Variants in INSL6 observed in about 807,000 individuals in gnomAD.
The protein encoded by INSL6 is insulin like 6.
A neutral mutation model predicts 9.4 loss-of-function variants in INSL6; 16 were observed. That is an observed-to-expected ratio of 1.70 (90% CI 1.15 to 2.59). INSL6 has a LOEUF of 2.59. Among genes scored for constraint, INSL6 ranks in the 30% most tolerant of loss-of-function variants. The pLI is 0.00. For missense variants in INSL6, 391 were observed against 257.3 expected (o/e 1.52, Z -3.56); for synonymous variants, 154 against 96.9 (o/e 1.59, Z -3.46).
chr9:5,029,850 C>T, the INSL6 span: 4 of 1,611,534 alleles, frequency 2.5e-6, no homozygotes, highest in South Asian at 3.3e-5. Flanking sequence ...GGTATCCACC[C>T]AACCATGTCT....
At chr9:5,035,987 G>A in the INSL6 span, among the ~76,000 whole-genome samples, 9 of 152,250 alleles carry the variant, frequency 5.9e-5, no homozygotes, top group Admixed American at 3.9e-4. Context: ...AAACCCCATC[G>A]TCTCAGCCCA....
chr9:5,010,331 T>C, the INSL6 span, among the ~76,000 whole-genome samples: 81 of 145,626 alleles, frequency 5.6e-4, no homozygotes, highest in African/African-American at 1.9e-3. Flanking sequence ...GTCAGTTGTC[T>C]TTTTTTTTTT....
intron 2 of INSL6, among the ~76,000 whole-genome samples, chr9:5,137,371 C>T (rs1341124770): frequency 1.3e-5 from 2 of 152,044 alleles, no homozygotes; most frequent in Non-Finnish European, 2.9e-5. Context: ...CTTCAAACTA[C>T]ATTACAAGGC....
chr9:5,061,779 T>G, the INSL6 span, among the ~76,000 whole-genome samples: 3 of 152,264 alleles, frequency 2.0e-5, no homozygotes, highest in African/African-American at 7.2e-5. Flanking sequence ...GCAAGAGGCC[T>G]AGCTTTCAGC....
chr9:5,115,894 C>T, the INSL6 span, among the ~76,000 whole-genome samples: 1 of 152,188 alleles, frequency 6.6e-6, no homozygotes, highest in Admixed American at 6.5e-5. Context: ...ACATCACACA[C>T]CAGGGCCTGT....
At chr9:5,017,702 A>G in the INSL6 span, among the ~76,000 whole-genome samples, 2 of 152,230 alleles carry the variant, frequency 1.3e-5, no homozygotes, top group African/African-American at 4.8e-5. Flanking sequence ...TCAAGGAATT[A>G]TGTATTTTTG....
chr9:5,021,821 T>A, the INSL6 span: 5 of 585,020 alleles, frequency 8.5e-6, no homozygotes, highest in Admixed American at 3.1e-5. Flanking sequence ...TTTGTAGAGA[T>A]GAGGTTTCAC....
chr9:5,115,732 T>C, the INSL6 span, among the ~76,000 whole-genome samples: 5 of 152,146 alleles, frequency 3.3e-5, no homozygotes, highest in Non-Finnish European at 7.4e-5. Flanking sequence ...TATGCAGCCA[T>C]AAACAAGGAT....
At chr9:5,165,395 T>A (rs993113125) in intron 1 of INSL6, among the ~76,000 whole-genome samples, 4 of 152,188 alleles carry the variant, frequency 2.6e-5, no homozygotes, top group African/African-American at 9.7e-5. Context: ...AATCCCAGCA[T>A]CGGTACAGTA....
chr9:5,058,024 C>A, the INSL6 span, among the ~76,000 whole-genome samples: 1 of 152,130 alleles, frequency 6.6e-6, no homozygotes, highest in Non-Finnish European at 1.5e-5. Flanking sequence ...GTATCAATTT[C>A]CTTCATTTTT....
the INSL6 span, among the ~76,000 whole-genome samples, chr9:5,117,502 A>G: frequency 6.6e-6 from 1 of 152,160 alleles, no homozygotes; most frequent in Admixed American, 6.5e-5. Flanking sequence ...ATTTTTTCAT[A>G]AGTATAGTTT....
At chr9:5,013,399 A>G in the INSL6 span, among the ~76,000 whole-genome samples, 1 of 152,250 alleles carries the variant, frequency 6.6e-6, no homozygotes, top group Non-Finnish European at 1.5e-5. Context: ...TATATCTTGC[A>G]ATAGAATGCA....
chr9:5,080,582 C>T, the INSL6 span: 1 of 1,603,972 alleles, frequency 6.2e-7, no homozygotes, highest in Non-Finnish European at 8.5e-7. Context: ...CCAAAGTGGG[C>T]AGAATTAGCA....
intron 3 of INSL6, among the ~76,000 whole-genome samples, chr9:5,130,219 T>C (rs1252011652): frequency 6.6e-6 from 1 of 152,234 alleles, no homozygotes; most frequent in Non-Finnish European, 1.5e-5. Context: ...GTCCCTGTTC[T>C]AGTTATTTGT....
chr9:5,067,515 T>G, the INSL6 span, among the ~76,000 whole-genome samples: 1 of 152,220 alleles, frequency 6.6e-6, no homozygotes, highest in South Asian at 2.1e-4. Context: ...ATTTGGCATA[T>G]GTAGAGGGTA....
chr9:5,058,524 A>T, the INSL6 span, among the ~76,000 whole-genome samples: 1,242 of 152,264 alleles, frequency 8.2e-3, 11 homozygotes, highest in African/African-American at 0.029. Flanking sequence ...ATTACAATTA[A>T]AGATGAGAGT....
chr9:5,160,987 T>G (rs1402431907), downstream of INSL6, among the ~76,000 whole-genome samples: 1 of 152,190 alleles, frequency 6.6e-6, no homozygotes, highest in African/African-American at 2.4e-5. Flanking sequence ...ACCGATAGTT[T>G]CACTGCTGAT....
At chr9:5,116,120 T>C in the INSL6 span, among the ~76,000 whole-genome samples, 1 of 152,194 alleles carries the variant, frequency 6.6e-6, no homozygotes, top group Admixed American at 6.5e-5. Flanking sequence ...ATGCATTTTA[T>C]GGATAATCTC....
the INSL6 span, among the ~76,000 whole-genome samples, chr9:4,999,728 C>T: frequency 2.0e-3 from 310 of 152,290 alleles, 3 homozygotes; most frequent in African/African-American, 7.0e-3. Context: ...GGATTACAGG[C>T]GTGAGCCCCC....
Sources: gnomAD v4.1 joint callset for allele counts (sites outside exome capture counted in the v4.1 genomes callset) on GRCh38, gnomAD v4.1.1 for gene constraint, MANE v1.5 for transcripts, NCBI Gene and HGNC (gene_info 2026-07-23, HGNC 2026-07-21) for gene names.